Variants in ATP6V0A4 observed in about 807,000 individuals in gnomAD.
ATP6V0A4 encodes ATPase H+ transporting V0 subunit a4, also known as V-type proton ATPase 116 kDa subunit a 4.
In ATP6V0A4, 86 loss-of-function variants were observed where a neutral mutation model predicts 107.3. That is an observed-to-expected ratio of 0.80 (90% confidence interval 0.67 to 0.96). ATP6V0A4 has a LOEUF of 0.96. Ranked by LOEUF, ATP6V0A4 falls within the 40% of genes least tolerant of loss-of-function variation. The pLI, the probability that ATP6V0A4 is intolerant of heterozygous loss-of-function variation, is 0.00. For missense variants in ATP6V0A4, 908 were observed against 1,045.6 expected, an observed-to-expected ratio of 0.87 and a Z score of 1.81; for synonymous variants, 353 against 381.4, an observed-to-expected ratio of 0.93 and a Z score of 0.87.
intron 18 of ATP6V0A4, among the ~76,000 whole-genome samples, chr7:138,722,744 C>CAAAAA (rs71169049): frequency 3.9e-4 from 13 of 33,468 alleles, no homozygotes; most frequent in African/African-American, 1.7e-3. Context: ...GACTCCATCT[C>CAAAAA]AAAAAAAAAA....
chr7:138,757,823 G>A (rs1186858920), intron 8 of ATP6V0A4, among the ~76,000 whole-genome samples: 7 of 152,170 alleles, frequency 4.6e-5, no homozygotes, highest in Admixed American at 3.3e-4. Flanking sequence ...GATAGTCAAC[G>A]TCACGTCAAC....
At chr7:138,767,832 A>T (rs1328669545) in intron 5 of ATP6V0A4, among the ~76,000 whole-genome samples, 1 of 151,960 alleles carries the variant, frequency 6.6e-6, no homozygotes, top group Non-Finnish European at 1.5e-5. Context: ...CCTGCCCCTC[A>T]TCCCTGTCCC....
At chr7:138,744,991 C>T in intron 14 of ATP6V0A4, 132 bp downstream of exon 14, 1 of 872,382 alleles carries the variant, frequency 1.1e-6, no homozygotes. Context: ...GCATGAGCCA[C>T]TGAGCCTGGC....
At chr7:138,738,227 A>G (rs1805445844) in intron 15 of ATP6V0A4, among the ~76,000 whole-genome samples, 1 of 152,054 alleles carries the variant, frequency 6.6e-6, no homozygotes, top group Non-Finnish European at 1.5e-5. Context: ...ACCCTGACAT[A>G]TTTTCTTTCT....
Position 138,769,199 on chromosome 7 carries a change from CT to C in ATP6V0A4, c.169del (p.Arg57GlyfsTer21). 1 of 1,612,006 alleles carries C rather than the reference CT, an allele frequency of 6.2e-7. No homozygotes were observed. Among genetic ancestry groups the C allele is most frequent in the Non-Finnish European group, 8.5e-7 (1 of 1,179,854 alleles). Reference sequence around the variant, plus strand: ...GAGGATTCTCTCCAGTGATTCACACCTTCTGACTTCATTCACAAATTTCCTT... The same window carrying C: ...GAGGATTCTCTCCAGTGATTCACACCTCTGACTTCATTCACAAATTTCCTT... ...FQRKFVNEVR[R>X]CESLERILRF... is the part of the protein sequence containing the mutation. On this transcript the variant is annotated frameshift_variant, in exon 4 of 22. Coordinates refer to ENST00000310018, the MANE Select transcript of ATP6V0A4 (RefSeq NM_020632.3). LOFTEE classifies it high-confidence loss of function.
At chr7:138,736,647 C>T (rs1805337425) in intron 15 of ATP6V0A4, among the ~76,000 whole-genome samples, 1 of 152,026 alleles carries the variant, frequency 6.6e-6, no homozygotes, top group South Asian at 2.1e-4. Context: ...TCTCGGCTCA[C>T]TACAACCTCT....
chr7:138,761,900 A>G (rs1197542367), intron 7 of ATP6V0A4, among the ~76,000 whole-genome samples: 2 of 152,026 alleles, frequency 1.3e-5, no homozygotes, highest in Non-Finnish European at 2.9e-5. Flanking sequence ...GGCTGGTTTC[A>G]AACTCCTGAC....
At chr7:138,732,740 G>T (rs1805083851) in intron 17 of ATP6V0A4, 137 bp downstream of exon 17, 7 of 981,006 alleles carry the variant, frequency 7.1e-6, no homozygotes, top group Non-Finnish European at 1.0e-5. Flanking sequence ...GTTGCAGTGA[G>T]TCAAGATCAC....
intron 3 of ATP6V0A4, among the ~76,000 whole-genome samples, chr7:138,770,911 G>A (rs907329441): frequency 6.6e-6 from 1 of 152,120 alleles, no homozygotes; most frequent in African/African-American, 2.4e-5. Flanking sequence ...CATTCCTATA[G>A]AGGAGACAGG....
intron 21 of ATP6V0A4, among the ~76,000 whole-genome samples, chr7:138,707,255 A>ATATATATTATATTATATATTC (rs1803468399): frequency 1.3e-5 from 1 of 79,944 alleles, no homozygotes; most frequent in Admixed American, 2.1e-4. Flanking sequence ...ATTATATAGA[A>ATATATATTATATTATATATTC]TATATATTAT....
At chr7:138,749,940 C>T (rs1806141930) in intron 11 of ATP6V0A4, among the ~76,000 whole-genome samples, 1 of 152,164 alleles carries the variant, frequency 6.6e-6, no homozygotes, top group African/African-American at 2.4e-5. Context: ...CCACAGCTAT[C>T]ACCCTAGCTC....
intron 15 of ATP6V0A4, among the ~76,000 whole-genome samples, chr7:138,737,584 T>C (rs59230278): frequency 0.019 from 965 of 49,576 alleles, 19 homozygotes; most frequent in East Asian, 0.14. Flanking sequence ...TTTTTCTTTT[T>C]TTTTTTTTTT....
chr7:138,733,878 C>CAGTCT (rs1805165210), intron 16 of ATP6V0A4, among the ~76,000 whole-genome samples: 2 of 152,074 alleles, frequency 1.3e-5, no homozygotes, highest in African/African-American at 4.8e-5. Flanking sequence ...ACCTGGCCTC[C>CAGTCT]AGTCTTTTTT....
intron 17 of ATP6V0A4, among the ~76,000 whole-genome samples, chr7:138,731,119 G>C (rs1045019788): frequency 6.6e-6 from 1 of 152,086 alleles, no homozygotes; most frequent in Non-Finnish European, 1.5e-5. Context: ...ATTTTTAGTA[G>C]AGATGGTGTT....
intron 1 of ATP6V0A4, among the ~76,000 whole-genome samples, chr7:138,791,863 A>C (rs1438117892): frequency 1.3e-5 from 2 of 152,250 alleles, no homozygotes; most frequent in African/African-American, 4.8e-5. Flanking sequence ...CCAGACATGC[A>C]GAAATAAATT....
rs576062006 is a variant in ATP6V0A4, at chr7:138,793,120, C to A, written c.-121+4914G>T. ...ACCAGCCTGGCCAACATGGTGAAAC[C>A]CCTGTTTCTACCAAAAATACAAAAA... On this transcript the variant is annotated intron_variant, in intron 1 of 21. Transcript: ENST00000310018. 1.4e-4 allele frequency among the ~76,000 whole-genome samples: 21 copies of A among 152,010 alleles called. No homozygotes were observed. In the South Asian group the frequency reaches 4.4e-3, roughly 32 times the overall value.
intron 19 of ATP6V0A4, among the ~76,000 whole-genome samples, chr7:138,718,054 ACAGTCACGGGTGTCTG>A (rs1562979900): frequency 0.028 from 173 of 6,230 alleles, 16 homozygotes; most frequent in Non-Finnish European, 0.031. Flanking sequence ...GTGGGGGGGT[ACAGTCACGGGTGTCTG>A]TGGAGGGAGA....
In ATP6V0A4 at chr7:138,762,336, T is replaced by C. The variant is rs78194949; in HGVS notation, c.512+4A>G. Reference sequence around the variant, plus strand: ...ACCCATCTACACACAAGAATTACACTAACCCCAACTTTCCGGTCATATATG... The same window carrying C: ...ACCCATCTACACACAAGAATTACACCAACCCCAACTTTCCGGTCATATATG... On this transcript the variant is annotated splice_donor_region_variant and intron_variant, in intron 7 of 21. Transcript: ENST00000310018. 4.2e-3 allele frequency: 6,712 copies of C among 1,614,112 alleles called. 262 individuals carry two copies. The African/African-American group carries it at 0.078, about 19-fold the overall frequency.
intron 6 of ATP6V0A4, chr7:138,762,646 G>A: frequency 3.8e-6 from 2 of 531,318 alleles, no homozygotes; most frequent in Non-Finnish European, 4.8e-6. Flanking sequence ...CAACTGCTGT[G>A]CTTGGTTCTG....
Sources: allele counts gnomAD v4.1 joint callset (sites outside exome capture counted in the v4.1 genomes callset), GRCh38; gene constraint gnomAD v4.1.1; transcripts MANE v1.5; gene names NCBI Gene and HGNC (gene_info 2026-07-23, HGNC 2026-07-21).